CSPP1: variants seen among roughly 807,000 people sequenced by gnomAD.
CSPP1 encodes the protein centrosome and spindle pole associated protein 1, also known as centrosome and spindle pole-associated protein 1.
Under a neutral mutation model 164.4 loss-of-function variants are expected in CSPP1, and 126 were observed. The ratio of observed to expected loss-of-function variants is 0.77; its 90% CI spans 0.66 to 0.89. The LOEUF is 0.89. Ranked by LOEUF, CSPP1 falls within the 40% of genes least tolerant of loss-of-function variation. The pLI is 0.00. For missense variants in CSPP1, 1,395 were observed against 1,449.8 expected, an observed-to-expected ratio of 0.96 and a Z score of 0.61; for synonymous variants, 472 against 476.7, an observed-to-expected ratio of 0.99 and a Z score of 0.13.
intron 6 of CSPP1, among the ~76,000 whole-genome samples, chr8:67,094,265 T>G (rs1812248707): frequency 6.7e-6 from 1 of 148,928 alleles, no homozygotes; most frequent in Non-Finnish European, 1.5e-5. Context: ...ATTTAGTTTA[T>G]CCTCTCTTTT....
At position 67,149,947 on chromosome 8, in the gene CSPP1, C is replaced by CTTTTTTTT. The variant is rs11296619; in HGVS notation, c.2128+29_2128+36dup. 79 of 1,138,820 alleles carry CTTTTTTTT rather than the reference C, an allele frequency of 6.9e-5. No homozygotes were observed. The highest frequency in any genetic ancestry group is 3.3e-4 in the African/African-American group (15 of 45,152). 70.5% of individuals were successfully genotyped at this position (1,138,820 alleles called of 1,614,324 possible). On this transcript the variant is annotated intron_variant, in intron 18 of 30. Coordinates refer to ENST00000678616, the MANE Select transcript of CSPP1 (RefSeq NM_001382391.1). ...AAATAAAAGCTCAGGTTTTTAATCA[C>CTTTTTTTT]TTTTTTTTTTTTTTTTTTTTTTTTA...
chr8:67,081,593 A>G (rs1457460149), intron 3 of CSPP1, among the ~76,000 whole-genome samples: 1 of 152,224 alleles, frequency 6.6e-6, no homozygotes, highest in African/African-American at 2.4e-5. Context: ...AATTCTTACT[A>G]ACTTATTATT....
At chr8:67,086,851 G>A (rs765250488) in intron 4 of CSPP1, 1 of 1,356,398 alleles carries the variant, frequency 7.4e-7, no homozygotes, top group Non-Finnish European at 9.9e-7. Flanking sequence ...AGAAAGGTAG[G>A]GTTGTCTGCA....
intron 19 of CSPP1, among the ~76,000 whole-genome samples, chr8:67,155,305 ATTC>A (rs549337450): frequency 1.3e-5 from 2 of 152,204 alleles, no homozygotes; most frequent in Non-Finnish European, 2.9e-5. Flanking sequence ...TTCACCTGCT[ATTC>A]TTCTTTACTC....
At chr8:67,192,637 T>C (rs773226461) in intron 29 of CSPP1, among the ~76,000 whole-genome samples, 4 of 152,204 alleles carry the variant, frequency 2.6e-5, no homozygotes, top group African/African-American at 7.2e-5. Context: ...ACTTGTTTTC[T>C]TTCAGTTTGT....
Position 67,195,365 on chromosome 8 carries a change from TCCCTTG to T in CSPP1, c.3470-14_3470-9del. ...CCACCTGTGTTACCTGAGCCACGTG[TCCCTTG>T]CCTCCTGTAGATGATGAGAGTTCAC... On this transcript the variant is annotated splice_polypyrimidine_tract_variant and intron_variant, in intron 30 of 30. Transcript: ENST00000678616. The T allele has an allele frequency of 3.8e-6, 6 of 1,589,860 alleles. No individual in the cohort carries two copies. Among genetic ancestry groups the T allele is most frequent in the Non-Finnish European group, 5.2e-6 (6 of 1,158,298 alleles).
At chr8:67,080,285 T>C (rs996874654) in intron 3 of CSPP1, among the ~76,000 whole-genome samples, 3 of 152,230 alleles carry the variant, frequency 2.0e-5, no homozygotes, top group Non-Finnish European at 4.4e-5. Flanking sequence ...CATAGTGTAG[T>C]AATCAGTGAT....
Position 67,146,802 on chromosome 8 carries a change from AAGTG to A in CSPP1, c.1976-2980_1976-2977del, listed in dbSNP as rs1367657106. 1.9e-3 allele frequency among the ~76,000 whole-genome samples: 283 copies of A among 152,124 alleles called. 2 individuals are homozygous for A. The highest frequency in any genetic ancestry group is 6.6e-3 in the African/African-American group (272 of 41,378). On this transcript the variant is annotated intron_variant, in intron 17 of 30. Transcript: ENST00000678616. Reference sequence around the variant, plus strand: ...CTAATTCACTCAGTGAGGAGCACGTAAGTGCTCCTAATTTTATATTGAATGTTAT... The same window carrying A: ...CTAATTCACTCAGTGAGGAGCACGTACTCCTAATTTTATATTGAATGTTAT...
At chr8:67,188,369 T>C (rs911878820) in intron 28 of CSPP1, among the ~76,000 whole-genome samples, 3 of 152,168 alleles carry the variant, frequency 2.0e-5, no homozygotes, top group Non-Finnish European at 4.4e-5. Flanking sequence ...ACACAGGGCT[T>C]GTAACTCAGC....
In CSPP1 at chr8:67,132,001, A is replaced by G. The variant is rs773400643; in HGVS notation, c.1748A>G (p.Asn583Ser). The G allele has an allele frequency of 6.2e-7, 1 of 1,613,784 alleles. No individual in the cohort carries two copies. The highest frequency in any genetic ancestry group is 8.5e-7 in the Non-Finnish European group (1 of 1,179,744). ...AAGATTACAAGTGATCAAGTGATAA[A>G]TTCAGGATTGATTTTTGAAGATAAA... ...ELKITSDQVINSGLIFEDKPK... is the reference protein window; with the variant it reads ...ELKITSDQVISSGLIFEDKPK... The change falls in exon 16 of 31, where the codon AAT becomes AGT. Residue 583 changes from asparagine (N) to serine (S), a missense_variant. Transcript: ENST00000678616.
At chr8:67,103,602 C>T (rs1814624254) in intron 8 of CSPP1, among the ~76,000 whole-genome samples, 1 of 150,818 alleles carries the variant, frequency 6.6e-6, no homozygotes, top group Non-Finnish European at 1.5e-5. Context: ...CAAGACCAGC[C>T]TGGTCTGGCC....
chr8:67,175,357 C>A lies in CSPP1; in HGVS notation c.3030C>A (p.Thr1010=). The change falls in exon 26 of 31, where the codon ACC becomes ACA. Residue 1010 remains threonine (T), a synonymous_variant. Transcript: ENST00000678616. ...TGGATCCTCCAAGAGATCATCACAC[C>A]TTAGAGATTCAGCAGCAAGCCCTGC... is the stretch of plus-strand genomic sequence containing the variant. ...MYLDPPRDHH[T]LEIQQQALLR... is the part of the protein sequence containing the mutation. 6.2e-7 allele frequency: 1 copy of A among 1,613,930 alleles called. No individual in the cohort carries two copies. The highest frequency in any genetic ancestry group is 1.1e-5 in the South Asian group (1 of 91,082).
At chr8:67,175,108 G>A (rs1252965482) in intron 25 of CSPP1, 188 bp from the exon 26 acceptor site, 1 of 573,102 alleles carries the variant, frequency 1.7e-6, no homozygotes, top group Non-Finnish European at 3.1e-6. Context: ...ACTTATTAAA[G>A]AATATTAATT....
chr8:67,075,592 T>C (rs560354071), intron 2 of CSPP1, among the ~76,000 whole-genome samples: 1 of 152,350 alleles, frequency 6.6e-6, no homozygotes, highest in Non-Finnish European at 1.5e-5. Context: ...GTAATGAGAC[T>C]AAGGCAGTAG....
At chr8:67,083,548 A>AAAAAAAAAAAAAAATATATATATATAT (rs1332248754) in intron 3 of CSPP1, 1 of 91,502 alleles carries the variant, frequency 1.1e-5, no homozygotes, top group African/African-American at 4.5e-5. Context: ...AAAAAAAAAA[A>AAAAAAAAAAAAAAATATATATATATAT]ATATATATAT....
At chr8:67,109,959 C>G (rs943637313) in intron 9 of CSPP1, among the ~76,000 whole-genome samples, 6 of 152,146 alleles carry the variant, frequency 3.9e-5, no homozygotes, top group Middle Eastern at 3.4e-3. Context: ...GTGGGTACGT[C>G]TTTAGGCAAG....
intron 4 of CSPP1, among the ~76,000 whole-genome samples, chr8:67,088,758 G>T (rs1810970319): frequency 6.6e-6 from 1 of 151,466 alleles, no homozygotes; most frequent in Admixed American, 6.6e-5. Flanking sequence ...TTAGCCTGGC[G>T]TGGTGGCAGG....
At chr8:67,076,636 G>A in intron 3 of CSPP1, 55 bp downstream of exon 3, 2 of 975,256 alleles carry the variant, frequency 2.1e-6, no homozygotes, top group Non-Finnish European at 3.1e-6. Flanking sequence ...GGGCTCTTCT[G>A]AAAGAGGTTT....
intron 1 of CSPP1, among the ~76,000 whole-genome samples, chr8:67,070,185 C>T (rs954957032): frequency 4.0e-5 from 6 of 151,366 alleles, no homozygotes; most frequent in African/African-American, 1.2e-4. Context: ...TGAAATAAGT[C>T]GGGACGGTGG....
Sources: gnomAD v4.1 joint callset for allele counts (sites outside exome capture counted in the v4.1 genomes callset) on GRCh38, gnomAD v4.1.1 for gene constraint, MANE v1.5 for transcripts, NCBI Gene and HGNC (gene_info 2026-07-23, HGNC 2026-07-21) for gene names.